XRRA1: variants seen among roughly 807,000 people sequenced by gnomAD.
XRRA1 encodes X-ray radiation resistance-associated protein 1.
A neutral mutation model predicts 80.2 loss-of-function variants in XRRA1; 69 were observed. The ratio of observed to expected loss-of-function variants is 0.86; its 90% CI spans 0.71 to 1.05. XRRA1 has a LOEUF of 1.05. XRRA1 is among the 50% of genes least tolerant of loss of function. XRRA1 has a pLI of 0.00. For synonymous variants in XRRA1, 348 were observed against 389.9 expected (o/e 0.89, Z 1.27); for missense variants, 967 against 976.4 (o/e 0.99, Z 0.13).
intron 10 of XRRA1, among the ~76,000 whole-genome samples, chr11:74,864,396 C>A (rs969559046): frequency 2.0e-5 from 3 of 152,208 alleles, no homozygotes; most frequent in Non-Finnish European, 2.9e-5. Flanking sequence ...TGTCCCCTCA[C>A]AACCACAAAA....
intron 13 of XRRA1, 52 bp downstream of exon 13, chr11:74,851,937 C>T (rs2039971122): frequency 6.6e-7 from 1 of 1,510,004 alleles, no homozygotes; most frequent in Non-Finnish European, 9.2e-7. Flanking sequence ...GAGGGTGCCA[C>T]ACTGCTCCTT....
At chr11:74,942,773 G>A (rs755062688) in intron 2 of XRRA1, among the ~76,000 whole-genome samples, 2 of 152,226 alleles carry the variant, frequency 1.3e-5, no homozygotes, top group Non-Finnish European at 2.9e-5. Context: ...ATGATTACAG[G>A]AGAAAATGCC....
At chr11:74,896,624 CAAAGCCCAGTGCTGTG>C (rs2052384806) in intron 10 of XRRA1, among the ~76,000 whole-genome samples, 2 of 152,172 alleles carry the variant, frequency 1.3e-5, no homozygotes, top group African/African-American at 4.8e-5. Flanking sequence ...GGGCACTGGG[CAAAGCCCAGTGCTGTG>C]TTGGCTTCGG....
At chr11:74,845,762 A>G (rs2037947746) in intron 15 of XRRA1, 1 of 156,308 alleles carries the variant, frequency 6.4e-6, no homozygotes, top group East Asian at 1.9e-4. Flanking sequence ...GGTAAGGACC[A>G]TTATATGCCA....
intron 2 of XRRA1, among the ~76,000 whole-genome samples, chr11:74,944,465 CAT>C (rs564182566): frequency 9.1e-4 from 139 of 152,284 alleles, no homozygotes; most frequent in Non-Finnish European, 1.3e-3. Context: ...GATGTTATGA[CAT>C]AACAGATTCC....
At chr11:74,902,779 T>G (rs1200493607) in intron 10 of XRRA1, among the ~76,000 whole-genome samples, 1 of 151,756 alleles carries the variant, frequency 6.6e-6, no homozygotes, top group Non-Finnish European at 1.5e-5. Flanking sequence ...GGAAGGATAG[T>G]GGGGGCCTGG....
intron 10 of XRRA1, among the ~76,000 whole-genome samples, chr11:74,896,855 T>G (rs1177641213): frequency 6.6e-6 from 1 of 152,142 alleles, no homozygotes; most frequent in Non-Finnish European, 1.5e-5. Flanking sequence ...TTTGCAAAAA[T>G]CACAGCATTA....
In XRRA1 at chr11:74,844,056, C is replaced by T. The variant is rs1004527771; in HGVS notation, c.2044-97G>A. ...GTCACAGCAACAGGCTGGGGGGCAT[C>T]TGGGGGTGCTGGGAAAGCATGGCCC... is the stretch of plus-strand genomic sequence containing the variant. On this transcript the variant is annotated intron_variant, in intron 17 of 18. Coordinates refer to ENST00000684022, the MANE Select transcript of XRRA1 (RefSeq NM_001378157.1). The T allele has an allele frequency of 2.8e-6, 4 of 1,446,396 alleles. No individual in the cohort carries two copies. In the African/African-American group the frequency reaches 4.2e-5, roughly 15 times the overall value. The allele number at this position is 1,446,396 out of a possible 1,614,324, so 89.6% of individuals were successfully genotyped here.
At position 74,845,239 on chromosome 11, in the gene XRRA1, C is replaced by T. The variant is rs1385306618; in HGVS notation, c.1761G>A (p.Lys587=). The T allele has an allele frequency of 6.2e-7, 1 of 1,613,914 alleles. No individual in the cohort carries two copies. Among genetic ancestry groups the T allele is most frequent in the South Asian group, 1.1e-5 (1 of 91,070 alleles). The change falls in exon 16 of 19, where the codon AAG becomes AAA. Residue 587 remains lysine (K), a synonymous_variant. Transcript: ENST00000684022. ...CTTTCTCCTTTAACTCTAAATCATC[C>T]TTATGGATGACGGAGGAAGGCAGTT... The part of the protein sequence containing the change: ...VSELPSSVIH[K]DDLELKEKDQ...
intron 12 of XRRA1, among the ~76,000 whole-genome samples, chr11:74,852,624 G>A (rs553029977): frequency 2.5e-4 from 38 of 152,328 alleles, no homozygotes; most frequent in South Asian, 1.2e-3. Context: ...TAAGGGATAA[G>A]TAGAGCCAGT....
At chr11:74,941,711 G>A (rs565079885) in intron 2 of XRRA1, among the ~76,000 whole-genome samples, 1 of 152,234 alleles carries the variant, frequency 6.6e-6, no homozygotes, top group African/African-American at 2.4e-5. Flanking sequence ...AATAGCAGTA[G>A]GTGAAAGTGG....
chr11:74,866,446 G>C (rs2043429696), intron 10 of XRRA1, among the ~76,000 whole-genome samples: 1 of 151,860 alleles, frequency 6.6e-6, no homozygotes, highest in Non-Finnish European at 1.5e-5. Context: ...GTAGACATGG[G>C]AGACTCACTT....
chr11:74,913,924 C>T (rs1387059606), intron 8 of XRRA1: 1 of 152,140 alleles, frequency 6.6e-6, no homozygotes, highest in African/African-American at 2.4e-5. Context: ...TTATCTTACA[C>T]TACTTGTAGG....
chr11:74,878,945 G>A (rs2136547818), intron 10 of XRRA1, among the ~76,000 whole-genome samples: 1 of 151,860 alleles, frequency 6.6e-6, no homozygotes, highest in East Asian at 1.9e-4. Context: ...TTGGCGATGT[G>A]GGTTCTTTTT....
At chr11:74,944,740 C>T (rs553188276) in intron 2 of XRRA1, among the ~76,000 whole-genome samples, 2 of 152,248 alleles carry the variant, frequency 1.3e-5, no homozygotes, top group South Asian at 2.1e-4. Context: ...ATAGAGCCTA[C>T]GACTCACTAA....
At chr11:74,887,931 G>C (rs1315299) in intron 10 of XRRA1, among the ~76,000 whole-genome samples, 96,650 of 152,010 alleles carry the variant, frequency 0.64, 33,632 homozygotes, top group Non-Finnish European at 0.78. Context: ...CAGGAAGCTC[G>C]AACTGGGTAG....
intron 6 of XRRA1, 35 bp downstream of exon 6, chr11:74,930,265 G>C: frequency 6.7e-7 from 1 of 1,497,488 alleles, no homozygotes. Flanking sequence ...CTGGCTAAGA[G>C]GAGGAAGAGA....
At chr11:74,937,968 G>A (rs1345244522) in intron 3 of XRRA1, among the ~76,000 whole-genome samples, 1 of 152,168 alleles carries the variant, frequency 6.6e-6, no homozygotes, top group Non-Finnish European at 1.5e-5. Context: ...TGCCCACACA[G>A]TCATCCATTC....
At chr11:74,857,889 G>T (rs956193615) in intron 12 of XRRA1, among the ~76,000 whole-genome samples, 4 of 152,088 alleles carry the variant, frequency 2.6e-5, no homozygotes, top group African/African-American at 7.2e-5. Context: ...AGGAAAAAGT[G>T]AAAATATTTT....
Sources: allele counts gnomAD v4.1 joint callset (sites outside exome capture counted in the v4.1 genomes callset), GRCh38; gene constraint gnomAD v4.1.1; transcripts MANE v1.5; gene names NCBI Gene and HGNC (gene_info 2026-07-23, HGNC 2026-07-21).